Variants in COPG2 observed in about 807,000 individuals in gnomAD.
COPG2 encodes the protein coatomer subunit gamma-2.
COPG2 carries 37 observed loss-of-function variants against 46.3 expected under a neutral mutation model. The ratio of observed to expected loss-of-function variants is 0.80; its 90% confidence interval spans 0.61 to 1.05. The LOEUF (loss-of-function observed/expected upper bound fraction) is 1.05. Ranked by LOEUF, COPG2 falls within the 50% of genes least tolerant of loss-of-function variation. The probability of loss-of-function intolerance (pLI) is 0.00; values close to 1 mark genes in which losing one functional copy is unlikely to be tolerated. For synonymous variants in COPG2, 159 were observed against 129.7 expected (o/e 1.23, Z -1.53); for missense variants, 427 against 387.8 (o/e 1.10, Z -0.85).
At chr7:130,565,367 T>C (rs1025680622) in intron 9 of COPG2, among the ~76,000 whole-genome samples, 7 of 152,172 alleles carry the variant, frequency 4.6e-5, no homozygotes, top group African/African-American at 1.4e-4. Flanking sequence ...TCAGTGTCTA[T>C]ACAAGATACA....
chr7:130,578,178 GGGTCCCTGACC>G (rs1243908412), intron 9 of COPG2, among the ~76,000 whole-genome samples: 1 of 140,364 alleles, frequency 7.1e-6, no homozygotes, highest in East Asian at 2.0e-4. Context: ...CTCCTCAAGT[GGGTCCCTGACC>G]CCTGACCCCC....
At chr7:130,614,396 T>G (rs1243146174) in intron 6 of COPG2, among the ~76,000 whole-genome samples, 1 of 152,258 alleles carries the variant, frequency 6.6e-6, no homozygotes, top group African/African-American at 2.4e-5. Context: ...ATTTATCAGA[T>G]GTATAATTTG....
chr7:130,558,496 TAC>T (rs1362248051), intron 12 of COPG2, among the ~76,000 whole-genome samples: 3 of 152,172 alleles, frequency 2.0e-5, no homozygotes, highest in Non-Finnish European at 4.4e-5. Flanking sequence ...CTTTATAAAT[TAC>T]ACAGTCTCAG....
chr7:130,560,741 G>C (rs1793705594), intron 12 of COPG2, among the ~76,000 whole-genome samples: 1 of 152,118 alleles, frequency 6.6e-6, no homozygotes, highest in South Asian at 2.1e-4. Context: ...AATTATGGTG[G>C]AATACAGTAG....
chr7:130,509,114 C>T (rs941298235), intron 20 of COPG2: 2 of 447,348 alleles, frequency 4.5e-6, no homozygotes, highest in Admixed American at 2.6e-5. Flanking sequence ...CATCTCAATA[C>T]TATCTTTAGA....
chr7:130,545,279 C>G (rs1793421943), intron 20 of COPG2, among the ~76,000 whole-genome samples: 1 of 152,082 alleles, frequency 6.6e-6, no homozygotes, highest in African/African-American at 2.4e-5. Flanking sequence ...GGCCAGCATT[C>G]AAATCCTCAT....
chr7:130,605,305 C>G, intron 9 of COPG2: 1 of 515,992 alleles, frequency 1.9e-6, no homozygotes, highest in South Asian at 1.4e-5. Flanking sequence ...GGCAGAATGG[C>G]TCCCCAAAGA....
At chr7:130,656,884 T>C (rs1344011737) in intron 4 of COPG2, among the ~76,000 whole-genome samples, 1 of 151,592 alleles carries the variant, frequency 6.6e-6, no homozygotes, top group African/African-American at 2.4e-5. Flanking sequence ...AATTGCTCTT[T>C]AGATTTAATG....
intron 20 of COPG2, among the ~76,000 whole-genome samples, chr7:130,515,201 A>G (rs1174609114): frequency 6.6e-6 from 1 of 152,222 alleles, no homozygotes; most frequent in Non-Finnish European, 1.5e-5. Context: ...TAACTTATAA[A>G]GAAAAGAAGT....
chr7:130,568,168 G>A (rs1279395915), intron 9 of COPG2, among the ~76,000 whole-genome samples: 27 of 152,144 alleles, frequency 1.8e-4, no homozygotes, highest in Admixed American at 1.5e-3. Flanking sequence ...CCAGCTACTC[G>A]GGAGGCTGAC....
rs1331964349 is a variant in COPG2 at position 130,591,683 on chromosome 7, G to A, written c.737+19270C>T. On this transcript the variant is annotated intron_variant, in intron 9 of 23. Coordinates refer to ENST00000425248, the MANE Select transcript of COPG2 (RefSeq NM_012133.6). The stretch of plus-strand genomic sequence containing the variant: ...TGCCCGGCCGCCCCTACTGGGAAGT[G>A]AGGAGCCCCTCTGCCCAGCCAGCCG... Among the ~76,000 whole-genome samples, 8 of 148,246 alleles carry A rather than the reference G, an allele frequency of 5.4e-5. No individual in the cohort carries two copies. The East Asian group carries it at 1.0e-3, about 19-fold the overall frequency.
intron 9 of COPG2, chr7:130,607,507 G>C (rs1794757946): frequency 2.3e-6 from 1 of 430,582 alleles, no homozygotes; most frequent in African/African-American, 2.1e-5. Flanking sequence ...AAGAAGCTTG[G>C]CTGGGATCAA....
In COPG2 at chr7:130,640,453, A is replaced by T. The variant is rs1006749782; in HGVS notation, c.323+12416T>A. 6.0e-5 allele frequency among the ~76,000 whole-genome samples: 9 copies of T among 151,082 alleles called. No homozygotes were observed. The East Asian group carries it at 7.8e-4, about 13-fold the overall frequency. Reference sequence around the variant, plus strand: ...TTATTTATTATTATTATTATTATTTATTATTTGTAATCACTGGGAAAGATG... The same window carrying T: ...TTATTTATTATTATTATTATTATTTTTTATTTGTAATCACTGGGAAAGATG... On this transcript the variant is annotated intron_variant, in intron 5 of 23. Coordinates refer to ENST00000425248, the MANE Select transcript of COPG2 (RefSeq NM_012133.6).
intron 5 of COPG2, among the ~76,000 whole-genome samples, chr7:130,648,648 A>G (rs1407296146): frequency 6.6e-6 from 1 of 152,216 alleles, no homozygotes; most frequent in Non-Finnish European, 1.5e-5. Flanking sequence ...AAAATGAAAG[A>G]AAGTGAAAGG....
intron 9 of COPG2, among the ~76,000 whole-genome samples, chr7:130,572,752 A>C (rs1793931439): frequency 6.6e-6 from 1 of 152,016 alleles, no homozygotes; most frequent in African/African-American, 2.4e-5. Flanking sequence ...AACCTGTATC[A>C]AAAACAAAAA....
intron 20 of COPG2, among the ~76,000 whole-genome samples, chr7:130,542,922 G>C (rs889254966): frequency 6.6e-6 from 1 of 152,162 alleles, no homozygotes; most frequent in Non-Finnish European, 1.5e-5. Flanking sequence ...TGGTATGTTC[G>C]GTATCATGGC....
chr7:130,579,820 T>A (rs1359026758), intron 9 of COPG2, among the ~76,000 whole-genome samples: 1 of 152,108 alleles, frequency 6.6e-6, no homozygotes, highest in Non-Finnish European at 1.5e-5. Flanking sequence ...ATGCACCCAA[T>A]ACAGGAGCAC....
intron 15 of COPG2, 80 bp downstream of exon 15, chr7:130,552,275 C>T: frequency 2.5e-6 from 1 of 396,316 alleles, no homozygotes; most frequent in Non-Finnish European, 4.5e-6. Context: ...AGTGCATCCG[C>T]CCTATGGTAG....
rs531892324 is a variant in COPG2 at position 130,646,613 on chromosome 7, C to A, written c.323+6256G>T. 1.3e-4 allele frequency among the ~76,000 whole-genome samples: 20 copies of A among 152,150 alleles called. No homozygotes were observed. In the Middle Eastern group the frequency reaches 0.01, roughly 78 times the overall value. On this transcript the variant is annotated intron_variant, in intron 5 of 23. Coordinates refer to ENST00000425248, the MANE Select transcript of COPG2 (RefSeq NM_012133.6). ...GAATTCTGATATGGTTTGGCTCTGTCATCTCCACCGAAATCTCATCTCGAA... is the reference window on the plus strand; with the variant it reads ...GAATTCTGATATGGTTTGGCTCTGTAATCTCCACCGAAATCTCATCTCGAA...
Sources: allele counts gnomAD v4.1 joint callset (sites outside exome capture counted in the v4.1 genomes callset), GRCh38; gene constraint gnomAD v4.1.1; transcripts MANE v1.5; gene names NCBI Gene and HGNC (gene_info 2026-07-23, HGNC 2026-07-21).